ADAMTS12: variants seen among roughly 807,000 people sequenced by gnomAD.
ADAMTS12 encodes the protein A disintegrin and metalloproteinase with thrombospondin motifs 12.
A neutral mutation model predicts 167.8 loss-of-function variants in ADAMTS12; 118 were observed. The ratio of observed to expected loss-of-function variants is 0.70; its 90% CI spans 0.61 to 0.82. The LOEUF (loss-of-function observed/expected upper bound fraction) is 0.82, where lower values mean the gene tolerates loss of function less well. Ranked by LOEUF, ADAMTS12 falls within the 40% of genes least tolerant of loss-of-function variation. The pLI is 0.00. For synonymous variants in ADAMTS12, 704 were observed against 716.9 expected (o/e 0.98, Z 0.29); for missense variants, 1,916 against 1,998.8 (o/e 0.96, Z 0.79).
At chr5:33,617,875 T>C (rs1160902408) in intron 14 of ADAMTS12, among the ~76,000 whole-genome samples, 1 of 152,228 alleles carries the variant, frequency 6.6e-6, no homozygotes, top group African/African-American at 2.4e-5. Flanking sequence ...ATATTTATTA[T>C]GGGTAGATTG....
At chr5:33,701,661 G>A (rs1579852977) in intron 3 of ADAMTS12, among the ~76,000 whole-genome samples, 4 of 152,130 alleles carry the variant, frequency 2.6e-5, no homozygotes, top group Admixed American at 2.6e-4. Context: ...CATGGCAAAG[G>A]TATCTTGAGA....
At chr5:33,706,367 A>G (rs1743200180) in intron 3 of ADAMTS12, among the ~76,000 whole-genome samples, 1 of 151,902 alleles carries the variant, frequency 6.6e-6, no homozygotes, top group Non-Finnish European at 1.5e-5. Flanking sequence ...TTATTTTATG[A>G]CTCTGAGTGT....
At chr5:33,587,055 T>A (rs1036938371) in intron 18 of ADAMTS12, among the ~76,000 whole-genome samples, 1 of 151,858 alleles carries the variant, frequency 6.6e-6, no homozygotes, top group Non-Finnish European at 1.5e-5. Flanking sequence ...TTTTTTTTTT[T>A]AATTTCACCT....
chr5:33,728,173 A>G (rs1744054504), intron 3 of ADAMTS12, among the ~76,000 whole-genome samples: 1 of 152,150 alleles, frequency 6.6e-6, no homozygotes, highest in African/African-American at 2.4e-5. Flanking sequence ...CCCTAGAAGG[A>G]GGCCCAGTCT....
intron 2 of ADAMTS12, among the ~76,000 whole-genome samples, chr5:33,873,637 G>A (rs1018892485): frequency 6.6e-6 from 1 of 152,114 alleles, no homozygotes; most frequent in African/African-American, 2.4e-5. Context: ...GTGGAGAACT[G>A]ACACTATCGG....
intron 2 of ADAMTS12, among the ~76,000 whole-genome samples, chr5:33,852,320 G>A (rs1388877796): frequency 6.6e-6 from 1 of 152,182 alleles, no homozygotes. Context: ...AAGAAAGGCT[G>A]CTTGGAAGAA....
At chr5:33,686,193 G>A (rs1383474890) in intron 3 of ADAMTS12, among the ~76,000 whole-genome samples, 1 of 152,110 alleles carries the variant, frequency 6.6e-6, no homozygotes, top group Non-Finnish European at 1.5e-5. Context: ...AAAGCCCTTG[G>A]GGCCTTAGCC....
intron 6 of ADAMTS12, among the ~76,000 whole-genome samples, chr5:33,658,726 G>C (rs1451122461): frequency 6.6e-6 from 1 of 152,076 alleles, no homozygotes; most frequent in South Asian, 2.1e-4. Context: ...ATCCTTTTTA[G>C]TCTTTCTGAG....
chr5:33,627,144 T>C (rs1314054208), intron 13 of ADAMTS12, among the ~76,000 whole-genome samples: 6 of 142,046 alleles, frequency 4.2e-5, no homozygotes, highest in African/African-American at 1.6e-4. Context: ...GTGGTGGTGG[T>C]GGTGGTCGTG....
At chr5:33,669,482 T>C (rs1177782597) in intron 5 of ADAMTS12, among the ~76,000 whole-genome samples, 2 of 152,154 alleles carry the variant, frequency 1.3e-5, no homozygotes, top group African/African-American at 2.4e-5. Context: ...TTCTACTGTG[T>C]GTGTTTATTG....
intron 6 of ADAMTS12, among the ~76,000 whole-genome samples, chr5:33,659,742 T>C (rs1321522539): frequency 3.3e-5 from 5 of 152,334 alleles, no homozygotes; most frequent in African/African-American, 7.2e-5. Flanking sequence ...GGAACCCACA[T>C]TGGGTGTGTT....
At chr5:33,729,823 G>A (rs1195380345) in intron 3 of ADAMTS12, among the ~76,000 whole-genome samples, 2 of 152,234 alleles carry the variant, frequency 1.3e-5, no homozygotes, top group Admixed American at 1.3e-4. Context: ...CAGTGGCTGA[G>A]ATTGATAACA....
chr5:33,658,834 C>T (rs1171058685), intron 6 of ADAMTS12, among the ~76,000 whole-genome samples: 2 of 152,188 alleles, frequency 1.3e-5, no homozygotes, highest in African/African-American at 4.8e-5. Context: ...CTTGTCTATC[C>T]AGCCCCATTC....
intron 2 of ADAMTS12, among the ~76,000 whole-genome samples, chr5:33,832,119 T>C (rs1748323818): frequency 6.6e-6 from 1 of 152,204 alleles, no homozygotes; most frequent in African/African-American, 2.4e-5. Context: ...AACTATCTGA[T>C]AGATTCACAC....
intron 2 of ADAMTS12, among the ~76,000 whole-genome samples, chr5:33,772,958 A>G (rs898907015): frequency 4.6e-5 from 7 of 152,228 alleles, no homozygotes; most frequent in Non-Finnish European, 7.3e-5. Context: ...GGCTTCAGAA[A>G]GAAGGTGTTT....
At chr5:33,834,081 G>T (rs2111562492) in intron 2 of ADAMTS12, among the ~76,000 whole-genome samples, 1 of 152,266 alleles carries the variant, frequency 6.6e-6, no homozygotes, top group South Asian at 2.1e-4. Flanking sequence ...TGGCTGTCTT[G>T]TCCCTCTGTC....
At chr5:33,683,149 A>C (rs762363828) in intron 4 of ADAMTS12, 48 bp from the exon 5 acceptor site, 1 of 1,382,002 alleles carries the variant, frequency 7.2e-7, no homozygotes, top group Admixed American at 1.9e-5. Context: ...AGAGATAATA[A>C]ATAAATACCA....
chr5:33,562,034 C>G (rs1208511414), intron 19 of ADAMTS12, among the ~76,000 whole-genome samples: 2 of 152,154 alleles, frequency 1.3e-5, no homozygotes, highest in Non-Finnish European at 2.9e-5. Flanking sequence ...TTTTCTGTCT[C>G]TAAAACCCAG....
chr5:33,668,422 C>T (rs1044713369), intron 5 of ADAMTS12, among the ~76,000 whole-genome samples: 1 of 152,130 alleles, frequency 6.6e-6, no homozygotes, highest in African/African-American at 2.4e-5. Flanking sequence ...ATTTAGTGGT[C>T]CTGGCATCTA....
Sources: allele counts gnomAD v4.1 joint callset (sites outside exome capture counted in the v4.1 genomes callset), GRCh38; gene constraint gnomAD v4.1.1; transcripts MANE v1.5; gene names NCBI Gene and HGNC (gene_info 2026-07-23, HGNC 2026-07-21).